Variants in RUVBL1 observed in about 807,000 individuals in gnomAD.
RUVBL1 encodes RuvB like AAA ATPase 1.
A neutral mutation model predicts 52.4 loss-of-function variants in RUVBL1; 4 were observed. The observed-to-expected ratio is 0.08, with a 90% CI of 0.04 to 0.17. RUVBL1 has a LOEUF of 0.17. Ranked by LOEUF, RUVBL1 falls within the 10% of genes least tolerant of loss-of-function variation. RUVBL1 has a pLI of 1.00. For synonymous variants in RUVBL1, 217 were observed against 214.4 expected (o/e 1.01, Z -0.10); for missense variants, 298 against 572.8 (o/e 0.52, Z 4.90).
At chr3:128,106,632 T>C (rs1576462832) in intron 3 of RUVBL1, among the ~76,000 whole-genome samples, 1 of 151,838 alleles carries the variant, frequency 6.6e-6, no homozygotes, top group Non-Finnish European at 1.5e-5. Context: ...GCAGGTAGAG[T>C]GAATGGATGA....
chr3:128,119,649 T>C (rs1451634360), intron 1 of RUVBL1, among the ~76,000 whole-genome samples: 12 of 152,166 alleles, frequency 7.9e-5, no homozygotes, highest in Admixed American at 7.9e-4. Flanking sequence ...GCACACATAA[T>C]CTTCATCACT....
intron 2 of RUVBL1, among the ~76,000 whole-genome samples, chr3:128,118,416 A>G (rs905017006): frequency 3.9e-5 from 6 of 152,238 alleles, no homozygotes; most frequent in African/African-American, 1.4e-4. Flanking sequence ...TGAAATAGGT[A>G]GAGTATGCTT....
chr3:128,091,352 T>C lies in RUVBL1; in HGVS notation c.1017-3544A>G, dbSNP rs1942833795. ...AACAAGGCAGCCATAATGGTAATGT[T>C]ATAAAACTGCTAATAAGAAGCTGGA... On this transcript the variant is annotated intron_variant, in intron 8 of 10. Transcript: ENST00000322623. Among the ~76,000 whole-genome samples the C allele has an allele frequency of 2.0e-5, 3 of 152,360 alleles. No individual in the cohort carries two copies. In the South Asian group the frequency reaches 6.2e-4, roughly 32 times the overall value.
chr3:128,150,180 A>G (rs1266069832), intron 1 of RUVBL1, among the ~76,000 whole-genome samples: 1 of 152,098 alleles, frequency 6.6e-6, no homozygotes, highest in Admixed American at 6.5e-5. Context: ...TTTCTCCCAA[A>G]GCACTTCATC....
chr3:128,101,051 C>G (rs1404803431), intron 5 of RUVBL1, among the ~76,000 whole-genome samples: 1 of 152,176 alleles, frequency 6.6e-6, no homozygotes, highest in African/African-American at 2.4e-5. Flanking sequence ...GGCAGAGGAG[C>G]TGCTCAGACT....
chr3:128,103,513 G>C (rs1943153302), intron 4 of RUVBL1, among the ~76,000 whole-genome samples: 1 of 152,182 alleles, frequency 6.6e-6, no homozygotes, highest in Non-Finnish European at 1.5e-5. Context: ...AACAACCTCA[G>C]AGAATCAAAG....
intron 9 of RUVBL1, chr3:128,075,279 A>T (rs1004552689): frequency 1.3e-5 from 2 of 152,180 alleles, no homozygotes; most frequent in Non-Finnish European, 2.9e-5. Flanking sequence ...TTTCCATGTG[A>T]TATGTTTCAT....
intron 2 of RUVBL1, among the ~76,000 whole-genome samples, chr3:128,115,727 G>A (rs1559825369): frequency 6.6e-6 from 1 of 152,146 alleles, no homozygotes; most frequent in Non-Finnish European, 1.5e-5. Context: ...ACCTAGAATT[G>A]AATAAATAAT....
Position 128,086,640 on chromosome 3 carries a change from A to C in RUVBL1, c.1119+1066T>G, listed in dbSNP as rs920638201. Among the ~76,000 whole-genome samples, 14 of 152,366 alleles carry C rather than the reference A, an allele frequency of 9.2e-5. No homozygotes were observed. In the East Asian group the frequency reaches 2.3e-3, roughly 25 times the overall value. ...GAAGATGGCCTGGGCTCTACAGGGC[A>C]CTGCCTGGCTTTGCATCCTGCACTT... On this transcript the variant is annotated intron_variant, in intron 9 of 10. Transcript: ENST00000322623.
intron 2 of RUVBL1, 83 bp downstream of exon 2, chr3:128,119,245 C>G: frequency 2.1e-6 from 2 of 941,858 alleles, no homozygotes; most frequent in East Asian, 2.5e-5. Flanking sequence ...TAAACAAAGA[C>G]TAGTTAAGAC....
chr3:128,128,650 T>A (rs1386292286), upstream of RUVBL1, among the ~76,000 whole-genome samples: 1 of 152,208 alleles, frequency 6.6e-6, no homozygotes, highest in Non-Finnish European at 1.5e-5. Context: ...CAGCACTTAA[T>A]CAAATAGCTA....
intron 2 of RUVBL1, among the ~76,000 whole-genome samples, chr3:128,118,306 C>A (rs1192686041): frequency 1.3e-5 from 2 of 152,100 alleles, no homozygotes; most frequent in Non-Finnish European, 2.9e-5. Context: ...TATAGCACTT[C>A]TTCCTCTTGT....
chr3:128,072,419 T>C (rs537395700), intron 9 of RUVBL1, among the ~76,000 whole-genome samples: 13 of 152,354 alleles, frequency 8.5e-5, no homozygotes, highest in African/African-American at 3.1e-4. Flanking sequence ...CCTTGTAGTC[T>C]TAGACCTTGT....
chr3:128,083,382 G>A (rs1038930012), intron 9 of RUVBL1: 3 of 152,258 alleles, frequency 2.0e-5, no homozygotes, highest in Non-Finnish European at 4.4e-5. Flanking sequence ...AGCCATAAAA[G>A]CACACCCAGT....
intron 1 of RUVBL1, 121 bp downstream of exon 1, chr3:128,123,463 G>C: frequency 8.0e-7 from 1 of 1,249,726 alleles, no homozygotes; most frequent in Non-Finnish European, 1.1e-6. Flanking sequence ...TCACTTCCCT[G>C]AGGAAATAAT....
At chr3:128,131,411 G>A (rs1943873777) in intron 1 of RUVBL1, among the ~76,000 whole-genome samples, 1 of 152,160 alleles carries the variant, frequency 6.6e-6, no homozygotes, top group African/African-American at 2.4e-5. Flanking sequence ...CTGGGAGGTG[G>A]TGGTTGCAGT....
intron 8 of RUVBL1, among the ~76,000 whole-genome samples, chr3:128,096,485 G>A (rs1017899232): frequency 1.3e-5 from 2 of 152,190 alleles, no homozygotes; most frequent in African/African-American, 4.8e-5. Context: ...AAAGAGTGGA[G>A]CGGGAGGATG....
chr3:128,081,413 G>A lies in RUVBL1; in HGVS notation c.1212-4C>T. ...GGTCAGCAGCTGCACTGAGTACCTA[G>A]AGTGGACAGGGGCCAGGGCTGGAGT... is the stretch of plus-strand genomic sequence containing the variant. On this transcript the variant is annotated splice_polypyrimidine_tract_variant and splice_region_variant and intron_variant, in intron 10 of 10. Coordinates refer to ENST00000322623, the MANE Select transcript of RUVBL1 (RefSeq NM_003707.3). This position sits in a 1 kb window ranked among gnomAD's most constrained non-coding sequence, Gnocchi z 4.8. The A allele has an allele frequency of 6.2e-7, 1 of 1,611,830 alleles. No individual in the cohort carries two copies. Among genetic ancestry groups the A allele is most frequent in the Non-Finnish European group, 8.5e-7 (1 of 1,178,090 alleles).
chr3:128,095,844 ACTC>A lies in RUVBL1; in HGVS notation c.1016+1453_1016+1455del, dbSNP rs546737332. On this transcript the variant is annotated intron_variant, in intron 8 of 10. Transcript: ENST00000322623. Reference sequence around the variant, plus strand: ...CAATCATTGCACACTACAACCTTAAACTCCTAGCCTCAAGCAATCTTCCCGCCT... The same window carrying A: ...CAATCATTGCACACTACAACCTTAAACTAGCCTCAAGCAATCTTCCCGCCT... 2.0e-3 allele frequency among the ~76,000 whole-genome samples: 307 copies of A among 151,610 alleles called. 2 individuals carry two copies. Among genetic ancestry groups the A allele is most frequent in the African/African-American group, 6.7e-3 (277 of 41,290 alleles).
Sources: gnomAD v4.1 joint callset for allele counts (sites outside exome capture counted in the v4.1 genomes callset) on GRCh38, gnomAD v4.1.1 for gene constraint, Gnocchi (gnomAD v3.1) non-coding constraint, MANE v1.5 for transcripts, NCBI Gene and HGNC (gene_info 2026-07-23, HGNC 2026-07-21) for gene names.